Variants in XKR4 observed in about 807,000 individuals in gnomAD.
XKR4 encodes XK-related protein 4.
In XKR4, 12 loss-of-function variants were observed where a neutral mutation model predicts 53.9. The ratio of observed to expected loss-of-function variants is 0.22; its 90% CI spans 0.14 to 0.36. The LOEUF (loss-of-function observed/expected upper bound fraction) is 0.36. XKR4 is among the 10% of genes least tolerant of loss of function. The pLI is 1.00. For synonymous variants in XKR4, 354 were observed against 362.4 expected (o/e 0.98, Z 0.26); for missense variants, 799 against 859.5 (o/e 0.93, Z 0.88).
intron 1 of XKR4, among the ~76,000 whole-genome samples, chr8:55,324,390 A>G (rs552089920): frequency 6.6e-6 from 1 of 152,146 alleles, no homozygotes; most frequent in Non-Finnish European, 1.5e-5. Flanking sequence ...CACCGCACCC[A>G]GCATTTATTT....
chr8:55,168,875 C>T (rs1325625080), intron 1 of XKR4, among the ~76,000 whole-genome samples: 2 of 152,138 alleles, frequency 1.3e-5, no homozygotes, highest in Non-Finnish European at 2.9e-5. Context: ...CTGAATCTAC[C>T]AGCTTGTCTG....
chr8:55,491,774 G>A (rs953395328), intron 2 of XKR4, among the ~76,000 whole-genome samples: 4 of 152,128 alleles, frequency 2.6e-5, no homozygotes, highest in East Asian at 1.9e-4. Context: ...AGGATTACGG[G>A]CACACACCAC....
At chr8:55,471,946 A>G (rs1390390763) in intron 2 of XKR4, among the ~76,000 whole-genome samples, 1 of 152,170 alleles carries the variant, frequency 6.6e-6, no homozygotes, top group East Asian at 1.9e-4. Flanking sequence ...TTTTCTTTAT[A>G]AATTACCCAA....
chr8:55,447,924 A>G (rs926255295), intron 2 of XKR4, among the ~76,000 whole-genome samples: 7 of 152,172 alleles, frequency 4.6e-5, no homozygotes, highest in South Asian at 4.2e-4. Context: ...TTAACCTCTC[A>G]CAGTAAATTG....
intron 1 of XKR4, among the ~76,000 whole-genome samples, chr8:55,202,946 C>T (rs1283075527): frequency 2.0e-5 from 3 of 152,184 alleles, no homozygotes; most frequent in Non-Finnish European, 4.4e-5. Flanking sequence ...TGGATCCAGC[C>T]ACAGCTGGAG....
At chr8:55,132,879 A>C (rs917191554) in intron 1 of XKR4, among the ~76,000 whole-genome samples, 1 of 151,992 alleles carries the variant, frequency 6.6e-6, no homozygotes, top group Non-Finnish European at 1.5e-5. Context: ...ATCTGTGCTC[A>C]GCTCCCTGTG....
chr8:55,148,167 A>G (rs1299130797), intron 1 of XKR4, among the ~76,000 whole-genome samples: 2 of 152,242 alleles, frequency 1.3e-5, no homozygotes, highest in African/African-American at 4.8e-5. Flanking sequence ...AACATTTCAC[A>G]AAGGCATATA....
chr8:55,350,419 T>G (rs1042652962), intron 1 of XKR4, among the ~76,000 whole-genome samples: 1 of 152,214 alleles, frequency 6.6e-6, no homozygotes, highest in Non-Finnish European at 1.5e-5. Context: ...CTATGTTGTA[T>G]GGAGGTCTTT....
At chr8:55,199,060 G>C (rs570314856) in intron 1 of XKR4, among the ~76,000 whole-genome samples, 41 of 152,240 alleles carry the variant, frequency 2.7e-4, no homozygotes, top group African/African-American at 9.4e-4. Flanking sequence ...CAAGGTTAAG[G>C]CAATAAATGC....
rs189583919 is a variant in XKR4, at chr8:55,402,175, A to C, written c.1006+44298A>C. Among the ~76,000 whole-genome samples, 29 of 152,248 alleles carry C rather than the reference A, an allele frequency of 1.9e-4. No homozygotes were observed. The East Asian group carries it at 4.2e-3, about 22-fold the overall frequency. On this transcript the variant is annotated intron_variant, in intron 2 of 2. Coordinates refer to ENST00000327381, the MANE Select transcript of XKR4 (RefSeq NM_052898.2). The stretch of plus-strand genomic sequence containing the variant: ...TATAAAAACAGTTTTTACTTCAAAG[A>C]CCCTTGGGAAAGGTATGAGGGACCT...
chr8:55,449,716 A>G, intron 2 of XKR4: 1 of 905,450 alleles, frequency 1.1e-6, no homozygotes, highest in Non-Finnish European at 1.9e-6. Flanking sequence ...CCTTGCACTC[A>G]GTGTCCACAC....
intron 2 of XKR4, chr8:55,453,758 C>T (rs2929046): frequency 0.42 from 161,649 of 387,198 alleles, 35,180 homozygotes; most frequent in East Asian, 0.51. Flanking sequence ...CTTGTTCTTG[C>T]AGAGCTGCTC....
intron 2 of XKR4, among the ~76,000 whole-genome samples, chr8:55,430,286 A>C (rs1805083135): frequency 6.6e-6 from 1 of 152,170 alleles, no homozygotes; most frequent in Non-Finnish European, 1.5e-5. Flanking sequence ...TGACCAAGCC[A>C]TTGCACTCCT....
chr8:55,425,552 C>A (rs974994956), intron 2 of XKR4, among the ~76,000 whole-genome samples: 6 of 152,148 alleles, frequency 3.9e-5, no homozygotes, highest in Non-Finnish European at 7.3e-5. Flanking sequence ...CTCTTACAGT[C>A]ACCTCCCAAA....
At chr8:55,203,769 A>G (rs182172507) in intron 1 of XKR4, among the ~76,000 whole-genome samples, 1 of 152,272 alleles carries the variant, frequency 6.6e-6, no homozygotes, top group Non-Finnish European at 1.5e-5. Context: ...GCCAACACTG[A>G]AAACCACTAA....
chr8:55,420,534 A>G (rs1804911597), intron 2 of XKR4, among the ~76,000 whole-genome samples: 3 of 148,798 alleles, frequency 2.0e-5, no homozygotes, highest in African/African-American at 7.7e-5. Flanking sequence ...CTATCGCAAG[A>G]ACAAAAAACC....
In XKR4 at chr8:55,146,812, G is replaced by A. The variant is rs1485147878; in HGVS notation, c.806+43518G>A. 4.4e-4 allele frequency among the ~76,000 whole-genome samples: 67 copies of A among 152,324 alleles called. 2 individuals are homozygous for A. ...GGTGTGGGCAGTGCAAATGAAAGGTGGGACTGGCCCAGCTTCAGGGATGTA... is the reference window on the plus strand; with the variant it reads ...GGTGTGGGCAGTGCAAATGAAAGGTAGGACTGGCCCAGCTTCAGGGATGTA... On this transcript the variant is annotated intron_variant, in intron 1 of 2. Coordinates refer to ENST00000327381, the MANE Select transcript of XKR4 (RefSeq NM_052898.2).
At chr8:55,193,408 G>T (rs914780344) in intron 1 of XKR4, among the ~76,000 whole-genome samples, 1 of 151,982 alleles carries the variant, frequency 6.6e-6, no homozygotes, top group East Asian at 1.9e-4. Flanking sequence ...TTACAGAGCT[G>T]CTGGGATGTT....
chr8:55,135,627 A>T (rs1447297332), intron 1 of XKR4: 1 of 456,146 alleles, frequency 2.2e-6, no homozygotes, highest in Non-Finnish European at 4.4e-6. Flanking sequence ...AAAGCCAAGG[A>T]CAGATGGCTC....
Sources: gnomAD v4.1 joint callset for allele counts (sites outside exome capture counted in the v4.1 genomes callset) on GRCh38, gnomAD v4.1.1 for gene constraint, MANE v1.5 for transcripts, NCBI Gene and HGNC (gene_info 2026-07-23, HGNC 2026-07-21) for gene names.